Variants in TOX3 observed in about 807,000 individuals in gnomAD.
TOX3 encodes CAG trinucleotide repeat-containing gene F9 protein.
TOX3 carries 22 observed loss-of-function variants against 64.3 expected under a neutral mutation model. That is an observed-to-expected ratio of 0.34 (90% CI 0.24 to 0.49). The LOEUF (loss-of-function observed/expected upper bound fraction) is 0.49, where lower values mean the gene tolerates loss of function less well. TOX3 is among the 20% of genes least tolerant of loss of function. TOX3 has a pLI of 0.99. For missense variants in TOX3, 661 were observed against 714.4 expected (o/e 0.93, Z 0.85); for synonymous variants, 291 against 273.6 (o/e 1.06, Z -0.63).
rs557455613 is a variant in TOX3, at chr16:52,540,648, T to C, written c.87+5989A>G. ...CAATAAGATAAAAGAGACGGTCTAG[T>C]GGAAAAGCTTTTCCTTCTTGCCAAG... On this transcript the variant is annotated intron_variant, in intron 1 of 6. Transcript: ENST00000219746. Among the ~76,000 whole-genome samples, 15 of 152,258 alleles carry C rather than the reference T, an allele frequency of 9.9e-5. No homozygotes were observed. In the East Asian group the frequency reaches 2.5e-3, roughly 26 times the overall value.
intron 1 of TOX3, among the ~76,000 whole-genome samples, chr16:52,493,576 A>C (rs2151459448): frequency 6.6e-6 from 1 of 152,300 alleles, no homozygotes; most frequent in South Asian, 2.1e-4. Flanking sequence ...TATTGGACAA[A>C]CCTAAATATT....
At chr16:52,471,692 G>A (rs1961049407) in intron 1 of TOX3, among the ~76,000 whole-genome samples, 1 of 152,148 alleles carries the variant, frequency 6.6e-6, no homozygotes. Context: ...ATCCTAACTG[G>A]AGTCATTTTC....
intron 3 of TOX3, among the ~76,000 whole-genome samples, chr16:52,452,162 A>C (rs1245186115): frequency 6.6e-6 from 1 of 152,200 alleles, no homozygotes; most frequent in African/African-American, 2.4e-5. Context: ...TTGGGAAAAA[A>C]AAAAGTGTAT....
chr16:52,485,573 C>A (rs4493036), intron 1 of TOX3, among the ~76,000 whole-genome samples: 1 of 151,860 alleles, frequency 6.6e-6, no homozygotes, highest in African/African-American at 2.4e-5. Context: ...AAGACCAACC[C>A]GACCAGTTGG....
At chr16:52,528,453 T>C (rs1962774189) in intron 1 of TOX3, among the ~76,000 whole-genome samples, 1 of 151,522 alleles carries the variant, frequency 6.6e-6, no homozygotes, top group African/African-American at 2.4e-5. Context: ...CAGAGTGAAA[T>C]CTCCATTTCA....
At chr16:52,527,998 G>A (rs550182274) in intron 1 of TOX3, among the ~76,000 whole-genome samples, 1 of 152,138 alleles carries the variant, frequency 6.6e-6, no homozygotes, top group Non-Finnish European at 1.5e-5. Flanking sequence ...CCAAAACAAA[G>A]AACTATTTAG....
intron 1 of TOX3, among the ~76,000 whole-genome samples, chr16:52,475,153 C>A (rs1302132980): frequency 6.6e-6 from 1 of 152,184 alleles, no homozygotes; most frequent in Non-Finnish European, 1.5e-5. Flanking sequence ...TTTTCAACAT[C>A]CAACAATATC....
chr16:52,494,206 T>C (rs1961775978), intron 1 of TOX3, among the ~76,000 whole-genome samples: 1 of 152,190 alleles, frequency 6.6e-6, no homozygotes, highest in South Asian at 2.1e-4. Context: ...CTCCCTTGCA[T>C]TTTGATGCGG....
intron 1 of TOX3, among the ~76,000 whole-genome samples, chr16:52,469,823 A>G (rs1301945934): frequency 2.0e-5 from 3 of 152,330 alleles, no homozygotes; most frequent in African/African-American, 7.2e-5. Flanking sequence ...CTGACTCTGA[A>G]GGACTTACAC....
intron 4 of TOX3, among the ~76,000 whole-genome samples, chr16:52,447,790 T>C (rs942523477): frequency 6.6e-6 from 1 of 152,172 alleles, no homozygotes; most frequent in Non-Finnish European, 1.5e-5. Context: ...TGGAGCCAAG[T>C]TTTCCTTCAA....
intron 1 of TOX3, among the ~76,000 whole-genome samples, chr16:52,499,855 T>C (rs1961955659): frequency 6.6e-6 from 1 of 152,184 alleles, no homozygotes; most frequent in Admixed American, 6.5e-5. Context: ...CAAAGCTCTT[T>C]ATAAAAGCTC....
chr16:52,473,556 C>T (rs547910124), intron 1 of TOX3, among the ~76,000 whole-genome samples: 3 of 152,268 alleles, frequency 2.0e-5, no homozygotes, highest in Admixed American at 2.0e-4. Context: ...AGTCCACACG[C>T]ACGTGAAGGC....
chr16:52,530,794 C>T (rs1254130709), intron 1 of TOX3, among the ~76,000 whole-genome samples: 4 of 152,104 alleles, frequency 2.6e-5, no homozygotes, highest in Admixed American at 2.0e-4. Flanking sequence ...ACTCTTCTTA[C>T]TCATCTTACT....
chr16:52,533,423 T>C (rs1409697806), intron 1 of TOX3, among the ~76,000 whole-genome samples: 1 of 152,034 alleles, frequency 6.6e-6, no homozygotes, highest in Non-Finnish European at 1.5e-5. Flanking sequence ...TCCCTTTCAA[T>C]CCCCCAGATA....
Position 52,436,791 on chromosome 16 carries a change from C to G in TOX3, c.*2434G>C, listed in dbSNP as rs1959766856. ...TACAACACCTGCTTCTAACTGCAAA[C>G]AGTTGAAAACAGACTTCACTTGCAA... is the stretch of plus-strand genomic sequence containing the variant. On this transcript the variant is annotated 3_prime_UTR_variant, in exon 7 of 7. Transcript: ENST00000219746. 1 of 152,162 alleles carries G rather than the reference C, an allele frequency of 6.6e-6. No individual in the cohort carries two copies. The highest frequency in any genetic ancestry group is 6.5e-5 in the Admixed American group (1 of 15,278). 9.4% of individuals were successfully genotyped at this position (152,162 alleles called of 1,614,324 possible).
At chr16:52,448,253 A>G (rs765790131) in intron 4 of TOX3, among the ~76,000 whole-genome samples, 10 of 152,346 alleles carry the variant, frequency 6.6e-5, no homozygotes, top group East Asian at 3.9e-4. Flanking sequence ...CTAAGATTCA[A>G]TGAAGATACA....
chr16:52,450,428 G>A lies in TOX3; in HGVS notation c.527C>T (p.Thr176Ile). ...SGVMPPAQLT[T>I]INQSQLSAQL... The stretch of plus-strand genomic sequence containing the variant: ...GGCGCTGAGCTGAGACTGGTTGATG[G>A]TGGTGAGCTGGGCAGGAGGCATGAC... The change falls in exon 4 of 7, where the codon ACC (threonine) becomes ATC (isoleucine). Residue 176 changes from threonine to isoleucine, a missense_variant. Thr to Ile is a moderately conservative substitution (Grantham distance 89). Transcript: ENST00000219746. The A allele has an allele frequency of 6.2e-7, 1 of 1,614,012 alleles. No homozygotes were observed. Among genetic ancestry groups the A allele is most frequent in the Non-Finnish European group, 8.5e-7 (1 of 1,179,888 alleles).
chr16:52,534,317 A>G (rs1962906786), intron 1 of TOX3, among the ~76,000 whole-genome samples: 1 of 152,150 alleles, frequency 6.6e-6, no homozygotes, highest in African/African-American at 2.4e-5. Context: ...CATAGCTGAC[A>G]AGTCCTCATA....
At chr16:52,522,871 T>A (rs1430526416) in intron 1 of TOX3, among the ~76,000 whole-genome samples, 2 of 152,224 alleles carry the variant, frequency 1.3e-5, no homozygotes, top group East Asian at 3.8e-4. Flanking sequence ...AAACACACTT[T>A]CCTTCACGTT....
Sources: gnomAD v4.1 joint callset for allele counts (sites outside exome capture counted in the v4.1 genomes callset) on GRCh38, gnomAD v4.1.1 for gene constraint, MANE v1.5 for transcripts, NCBI Gene and HGNC (gene_info 2026-07-23, HGNC 2026-07-21) for gene names.